The following TTC23L variants were observed in gnomAD, a reference collection of about 807,000 sequenced individuals.
The protein encoded by TTC23L is tetratricopeptide repeat domain 23 like.
TTC23L carries 42 observed loss-of-function variants against 48.1 expected under a neutral mutation model. That is an observed-to-expected ratio of 0.87 (90% CI 0.68 to 1.13). The LOEUF (loss-of-function observed/expected upper bound fraction) is 1.13, where lower values mean the gene tolerates loss of function less well. TTC23L is among the 50% of genes most tolerant of loss of function. The pLI, the probability that TTC23L is intolerant of heterozygous loss-of-function variation, is 0.00. For synonymous variants in TTC23L, 159 were observed against 157.2 expected, an observed-to-expected ratio of 1.01 and a Z score of -0.09; for missense variants, 391 against 421.0, an observed-to-expected ratio of 0.93 and a Z score of 0.62.
At chr5:34,873,584 C>A (rs1761626670) in intron 8 of TTC23L, among the ~76,000 whole-genome samples, 2 of 152,208 alleles carry the variant, frequency 1.3e-5, no homozygotes, top group South Asian at 4.2e-4. Flanking sequence ...ATAAAGGGGG[C>A]AAACTCTGGA....
chr5:34,901,036 A>C (rs764445603), downstream of TTC23L, among the ~76,000 whole-genome samples: 13 of 152,230 alleles, frequency 8.5e-5, no homozygotes, highest in Non-Finnish European at 1.9e-4. Flanking sequence ...GAATGGCACC[A>C]TGTACTGTAT....
intron 8 of TTC23L, among the ~76,000 whole-genome samples, chr5:34,870,760 G>A (rs1168729616): frequency 6.6e-6 from 1 of 152,090 alleles, no homozygotes; most frequent in East Asian, 1.9e-4. Flanking sequence ...TGTGTTTAGG[G>A]TGGTATGGTC....
intron 9 of TTC23L, among the ~76,000 whole-genome samples, chr5:34,881,773 T>G (rs1004223261): frequency 2.6e-5 from 4 of 151,610 alleles, no homozygotes; most frequent in African/African-American, 9.7e-5. Flanking sequence ...GACTGTTTTT[T>G]TTTTTTTTTT....
chr5:34,911,571 A>G, the TTC23L span: 3 of 1,614,082 alleles, frequency 1.9e-6, no homozygotes, highest in Non-Finnish European at 2.5e-6. Context: ...AAGGCTTGTC[A>G]GGAGACATGG....
intron 3 of TTC23L, among the ~76,000 whole-genome samples, chr5:34,847,834 G>C (rs1164614346): frequency 1.3e-5 from 2 of 152,128 alleles, no homozygotes; most frequent in African/African-American, 4.8e-5. Context: ...TTGAGCAGGG[G>C]GCAGGTAAAA....
chr5:34,889,416 C>G (rs1762719696), intron 9 of TTC23L, among the ~76,000 whole-genome samples: 1 of 152,180 alleles, frequency 6.6e-6, no homozygotes, highest in Non-Finnish European at 1.5e-5. Flanking sequence ...AATGTGTTCA[C>G]CAGCGGTGGC....
intron 3 of TTC23L, among the ~76,000 whole-genome samples, chr5:34,849,957 G>A (rs1325456880): frequency 6.6e-6 from 1 of 152,190 alleles, no homozygotes; most frequent in Admixed American, 6.5e-5. Context: ...TCAAAGGTGA[G>A]GGTGGCCTGG....
the TTC23L span, chr5:34,908,909 TA>T: frequency 6.2e-7 from 1 of 1,610,498 alleles, no homozygotes; most frequent in Non-Finnish European, 8.5e-7. Context: ...AAGATAGGAC[TA>T]ATGCCTTTGT....
intron 8 of TTC23L, among the ~76,000 whole-genome samples, chr5:34,873,775 A>C (rs1761640618): frequency 6.6e-6 from 1 of 152,156 alleles, no homozygotes; most frequent in Admixed American, 6.5e-5. Context: ...AGCCTAATAA[A>C]GAGTAACAAC....
At position 34,888,071 on chromosome 5, in the gene TTC23L, A is replaced by T. The variant is rs145530787; in HGVS notation, c.1077+7763A>T. Among the ~76,000 whole-genome samples the T allele has an allele frequency of 3.4e-4, 52 of 152,298 alleles. No individual in the cohort carries two copies. The East Asian group carries it at 8.3e-3, about 24-fold the overall frequency. On this transcript the variant is annotated intron_variant, in intron 9 of 10. Coordinates refer to ENST00000505624, the Ensembl canonical transcript of TTC23L. The stretch of plus-strand genomic sequence containing the variant: ...AGAAGGTGACTAGGACTCAAGGTGG[A>T]GCCTTCATGAATGGGATTAGTGCCC...
chr5:34,880,740 G>C (rs1362380272), intron 9 of TTC23L: 1 of 304,106 alleles, frequency 3.3e-6, no homozygotes, highest in Non-Finnish European at 6.3e-6. Context: ...TTGGGTTCAA[G>C]AGATTTGCCT....
intron 4 of TTC23L, among the ~76,000 whole-genome samples, chr5:34,860,533 G>A (rs1360362499): frequency 1.3e-5 from 2 of 152,196 alleles, no homozygotes; most frequent in Admixed American, 6.5e-5. Flanking sequence ...GAACTTGTGA[G>A]CTGTAACTAC....
intron 9 of TTC23L, among the ~76,000 whole-genome samples, chr5:34,896,321 G>A (rs1234915895): frequency 6.6e-6 from 1 of 152,190 alleles, no homozygotes; most frequent in African/African-American, 2.4e-5. Flanking sequence ...GCTGGGTTTG[G>A]TGGAGCTTGA....
In TTC23L at chr5:34,868,967, G is replaced by A. The variant is rs557678537; in HGVS notation, c.903G>A (p.Ala301=). 2.2e-5 allele frequency: 35 copies of A among 1,611,170 alleles called. 1 individual carries two copies. In the Middle Eastern group the frequency reaches 5.0e-4, roughly 23 times the overall value. Residue 301 remains alanine, a synonymous_variant, in exon 8 of 11, where the codon GCG becomes GCA. Transcript: ENST00000505624. ...GCCCCAAAACTGCAGAAATGAGTGC[G>A]TTACTGGCCAAAGCTTATGCCATGT...
chr5:34,912,312 T>G, the TTC23L span, among the ~76,000 whole-genome samples: 185 of 152,246 alleles, frequency 1.2e-3, no homozygotes, highest in Non-Finnish European at 2.2e-3. Flanking sequence ...AAAAATCAAA[T>G]TGAGAGAAAA....
At chr5:34,918,518 T>G in the TTC23L span, 3 of 1,101,982 alleles carry the variant, frequency 2.7e-6, no homozygotes, top group African/African-American at 5.0e-5. Context: ...ATCTATAAAC[T>G]TACCTATTTT....
intron 4 of TTC23L, among the ~76,000 whole-genome samples, chr5:34,857,731 G>A (rs1760243719): frequency 6.6e-6 from 1 of 151,872 alleles, no homozygotes; most frequent in South Asian, 2.1e-4. Context: ...ATTAATCCTT[G>A]CGACAACTCT....
At chr5:34,905,549 T>C in the TTC23L span, 2 of 151,932 alleles carry the variant, frequency 1.3e-5, no homozygotes, top group Non-Finnish European at 2.9e-5. Context: ...CAATTCTCGG[T>C]GGAAGCACTA....
chr5:34,883,701 T>C (rs1762382098), intron 9 of TTC23L, among the ~76,000 whole-genome samples: 2 of 152,126 alleles, frequency 1.3e-5, no homozygotes, highest in Admixed American at 6.5e-5. Flanking sequence ...TAGAAACATA[T>C]TACCTACCAA....
Sources: allele counts gnomAD v4.1 joint callset (sites outside exome capture counted in the v4.1 genomes callset), GRCh38; gene constraint gnomAD v4.1.1; transcripts MANE v1.5; gene names NCBI Gene and HGNC (gene_info 2026-07-23, HGNC 2026-07-21).